PCDHA9: variants seen among roughly 807,000 people sequenced by gnomAD.
PCDHA9 encodes the protein protocadherin alpha 9.
In PCDHA9, 62 loss-of-function variants were observed where a neutral mutation model predicts 62.0. The ratio of observed to expected loss-of-function variants is 1.00; its 90% CI spans 0.81 to 1.23. The LOEUF is 1.23. Among genes scored for constraint, PCDHA9 ranks in the 50% most tolerant of loss-of-function variants. PCDHA9 has a pLI of 0.00. For synonymous variants in PCDHA9, 557 were observed against 567.6 expected, an observed-to-expected ratio of 0.98 and a Z score of 0.27; for missense variants, 1,205 against 1,249.8, an observed-to-expected ratio of 0.96 and a Z score of 0.54.
intron 1 of PCDHA9, among the ~76,000 whole-genome samples, chr5:140,914,094 T>A (rs563496078): frequency 6.9e-4 from 105 of 152,324 alleles, no homozygotes; most frequent in African/African-American, 2.5e-3. Context: ...GTCAATTTGT[T>A]CTATAGTGCA....
At position 140,886,849 on chromosome 5, in the gene PCDHA9, A is replaced by G. The variant is rs541841964; in HGVS notation, c.2394+35960A>G. ...CTTGAAAAAAAAAAAAAAAAAAAAG[A>G]AAGGTCTTCCCAACTCCTATATTGA... On this transcript the variant is annotated intron_variant, in intron 1 of 3. Coordinates refer to ENST00000532602, the MANE Select transcript of PCDHA9 (RefSeq NM_031857.2). Among the ~76,000 whole-genome samples, 4 of 150,006 alleles carry G rather than the reference A, an allele frequency of 2.7e-5. No homozygotes were observed. The East Asian group carries it at 7.8e-4, about 29-fold the overall frequency.
intron 1 of PCDHA9, among the ~76,000 whole-genome samples, chr5:140,976,433 C>T (rs2096716122): frequency 6.6e-6 from 1 of 152,036 alleles, no homozygotes; most frequent in South Asian, 2.1e-4. Context: ...TGCCTGTAAT[C>T]CCAGCTACTA....
intron 1 of PCDHA9, among the ~76,000 whole-genome samples, chr5:140,899,774 C>T (rs966615256): frequency 3.9e-5 from 6 of 152,122 alleles, no homozygotes; most frequent in African/African-American, 1.4e-4. Context: ...CCTCCTTTTA[C>T]CTCTGGTATA....
intron 1 of PCDHA9, chr5:140,969,211 A>T: frequency 6.2e-7 from 1 of 1,614,206 alleles, no homozygotes; most frequent in Non-Finnish European, 8.5e-7. Context: ...GGGCCCAGAC[A>T]GGACCAGGGC....
intron 1 of PCDHA9, among the ~76,000 whole-genome samples, chr5:140,950,271 T>C (rs1202365274): frequency 6.6e-6 from 1 of 152,058 alleles, no homozygotes; most frequent in Non-Finnish European, 1.5e-5. Flanking sequence ...ATCCATAATG[T>C]CTTTTTGCTT....
Position 141,010,440 on chromosome 5 carries a change from A to G in PCDHA9, c.*503A>G, listed in dbSNP as rs1279403327. 3 of 984,540 alleles carry G rather than the reference A, an allele frequency of 3.0e-6. No individual in the cohort carries two copies. Among genetic ancestry groups the G allele is most frequent in the Admixed American group, 5.9e-5 (2 of 34,150 alleles). The allele number at this position is 984,540 out of a possible 1,614,324, so 61.0% of individuals were successfully genotyped here. On this transcript the variant is annotated 3_prime_UTR_variant, in exon 4 of 4. Transcript: ENST00000532602. The stretch of plus-strand genomic sequence containing the variant: ...CAAGGAAGGCAAGAAAACAAAGACA[A>G]ATAAACAGCGGAAGTTATCAGTATG...
chr5:140,970,019 A>G (rs1385793747), intron 1 of PCDHA9, among the ~76,000 whole-genome samples: 2 of 152,212 alleles, frequency 1.3e-5, no homozygotes, highest in Non-Finnish European at 2.9e-5. Context: ...ATGGTGAGGC[A>G]GAGAGATTAA....
intron 1 of PCDHA9, among the ~76,000 whole-genome samples, chr5:140,970,414 A>G (rs2096403953): frequency 6.6e-6 from 1 of 152,224 alleles, no homozygotes; most frequent in South Asian, 2.1e-4. Context: ...CCCTACAGTA[A>G]GGTGTAGAGG....
At chr5:140,883,343 A>G in intron 1 of PCDHA9, 1 of 1,614,142 alleles carries the variant, frequency 6.2e-7, no homozygotes, top group Non-Finnish European at 8.5e-7. Context: ...GTCACTCCCC[A>G]TCAGAGAAGA....
At chr5:140,905,620 T>G (rs1417322136) in intron 1 of PCDHA9, among the ~76,000 whole-genome samples, 2 of 152,210 alleles carry the variant, frequency 1.3e-5, no homozygotes, top group African/African-American at 4.8e-5. Context: ...ATAGATTGCT[T>G]TTGACAGTAT....
intron 1 of PCDHA9, chr5:140,928,708 T>C: frequency 1.2e-6 from 2 of 1,614,208 alleles, no homozygotes; most frequent in Non-Finnish European, 1.7e-6. Context: ...GGCGTCTGAC[T>C]CTAGTCTCTT....
At chr5:140,952,879 G>C (rs1325308016) in intron 1 of PCDHA9, among the ~76,000 whole-genome samples, 1 of 152,094 alleles carries the variant, frequency 6.6e-6, no homozygotes, top group Non-Finnish European at 1.5e-5. Context: ...TTACAATCAT[G>C]GTGGAAGGCA....
chr5:141,010,226 C>T lies in PCDHA9; in HGVS notation c.*289C>T, dbSNP rs1386050566. ...CGCCGCAAAGGAGAGGCTTCCCAGC[C>T]CCGCCAGTGAGAGGTTGGACTCTCT... On this transcript the variant is annotated 3_prime_UTR_variant, in exon 4 of 4. Transcript: ENST00000532602. 6.4e-7 allele frequency: 1 copy of T among 1,551,824 alleles called. No homozygotes were observed. Among genetic ancestry groups the T allele is most frequent in the Admixed American group, 2.0e-5 (1 of 51,014 alleles).
chr5:140,876,411 T>C (rs782457800), intron 1 of PCDHA9: 1 of 1,613,974 alleles, frequency 6.2e-7, no homozygotes, highest in South Asian at 1.1e-5. Flanking sequence ...TTGAAGAGAA[T>C]AATGCCTATG....
In PCDHA9 at chr5:140,993,462, T is replaced by C. The variant is rs540334246; in HGVS notation, c.2542+10899T>C. ...CATTCCTGTTCTCCTTCTTTCTTTCTCACACACACACACACACACACACAC... is the reference window on the plus strand; with the variant it reads ...CATTCCTGTTCTCCTTCTTTCTTTCCCACACACACACACACACACACACAC... On this transcript the variant is annotated intron_variant, in intron 3 of 3. Transcript: ENST00000532602. Among the ~76,000 whole-genome samples the C allele has an allele frequency of 4.2e-3, 597 of 141,044 alleles. 4 individuals are homozygous for C. Among genetic ancestry groups the C allele is most frequent in the African/African-American group, 0.015 (577 of 37,966 alleles). 92.5% of individuals were successfully genotyped at this position (141,044 alleles called of 152,430 possible).
chr5:140,903,334 G>A (rs1451948444), intron 1 of PCDHA9, among the ~76,000 whole-genome samples: 2 of 152,132 alleles, frequency 1.3e-5, no homozygotes, highest in Non-Finnish European at 2.9e-5. Context: ...TTGAGGAAAG[G>A]ATGCATTTTA....
At chr5:140,922,190 T>C (rs1486044845) in intron 1 of PCDHA9, among the ~76,000 whole-genome samples, 2 of 152,154 alleles carry the variant, frequency 1.3e-5, no homozygotes, top group African/African-American at 4.8e-5. Flanking sequence ...AAAAAAGTCT[T>C]ATCTTTAATG....
chr5:140,972,322 T>C (rs2096531924), intron 1 of PCDHA9, among the ~76,000 whole-genome samples: 1 of 151,968 alleles, frequency 6.6e-6, no homozygotes, highest in African/African-American at 2.4e-5. Context: ...AGGTGTTTTT[T>C]TTTTTTGGAA....
chr5:140,882,932 C>G (rs946510478), intron 1 of PCDHA9: 1 of 1,614,196 alleles, frequency 6.2e-7, no homozygotes, highest in Admixed American at 1.7e-5. Flanking sequence ...TAAACCCGAG[C>G]TGACTGGCAC....
Sources: gnomAD v4.1 joint callset for allele counts (sites outside exome capture counted in the v4.1 genomes callset) on GRCh38, gnomAD v4.1.1 for gene constraint, MANE v1.5 for transcripts, NCBI Gene and HGNC (gene_info 2026-07-23, HGNC 2026-07-21) for gene names.